ELOVL6: variants seen among roughly 807,000 people sequenced by gnomAD.
ELOVL6 encodes ELOVL fatty acid elongase 6, also known as very long chain fatty acid elongase 6.
In ELOVL6, 8 loss-of-function variants were observed where a neutral mutation model predicts 31.7. The observed-to-expected ratio is 0.25, with a 90% confidence interval of 0.15 to 0.45. The LOEUF is 0.45. ELOVL6 is among the 20% of genes least tolerant of loss of function. The pLI is 1.00. For missense variants in ELOVL6, 126 were observed against 326.4 expected, an observed-to-expected ratio of 0.39 and a Z score of 4.73; for synonymous variants, 101 against 117.7, an observed-to-expected ratio of 0.86 and a Z score of 0.92.
At chr4:110,099,991 AC>A (rs1756693627) in intron 2 of ELOVL6, among the ~76,000 whole-genome samples, 2 of 152,168 alleles carry the variant, frequency 1.3e-5, no homozygotes, top group South Asian at 4.1e-4. Flanking sequence ...GATTCACATA[AC>A]CAGAATTGTT....
At chr4:110,077,371 G>A (rs1755673638) in intron 2 of ELOVL6, among the ~76,000 whole-genome samples, 1 of 152,098 alleles carries the variant, frequency 6.6e-6, no homozygotes, top group South Asian at 2.1e-4. Context: ...CACACAGCCG[G>A]GTGCTCCTCT....
At chr4:110,084,551 C>CAGATAT (rs1163599448) in intron 2 of ELOVL6, among the ~76,000 whole-genome samples, 1 of 64,696 alleles carries the variant, frequency 1.5e-5, no homozygotes, top group Admixed American at 1.7e-4. Context: ...CACACACACA[C>CAGATAT]ACACACACAC....
rs1466225521 is a variant in ELOVL6, at chr4:110,051,591, G to A, written c.545C>T (p.Ala182Val). The A allele has an allele frequency of 6.2e-7, 1 of 1,614,182 alleles. No homozygotes were observed. Among genetic ancestry groups the A allele is most frequent in the Non-Finnish European group, 8.5e-7 (1 of 1,180,026 alleles). ...GVHAVMYSYY[A>V]LRAAGFRVSR... ...GACTCGGAAACCTGCCGCCCGCAAG[G>A]CATAGTAAGAGTACATCACGGCGTG... Residue 182 changes from alanine (A) to valine (V), a missense_variant, in exon 4 of 4, where the codon GCC (alanine) becomes GTC (valine). By Grantham distance (64) the Ala-to-Val change is moderately conservative. Around this residue, in one of 3 missense-constraint regions of ELOVL6, gnomAD observed 57 missense variants for 110.2 expected, o/e 0.52. Transcript: ENST00000302274. The surrounding 1 kb of genome is among the most constrained non-coding windows in gnomAD (Gnocchi z 4.8).
intron 1 of ELOVL6, among the ~76,000 whole-genome samples, chr4:110,192,851 C>T (rs1759663291): frequency 6.6e-6 from 1 of 152,208 alleles, no homozygotes; most frequent in Admixed American, 6.5e-5. Context: ...TTATGATCCT[C>T]ACACAAGTTT....
intron 1 of ELOVL6, among the ~76,000 whole-genome samples, chr4:110,192,410 T>C (rs528557704): frequency 8.7e-4 from 132 of 152,220 alleles, no homozygotes; most frequent in African/African-American, 3.0e-3. Context: ...ATGTCTGCAT[T>C]TGAAAAGTTT....
chr4:110,175,244 G>C (rs992671490), intron 1 of ELOVL6, among the ~76,000 whole-genome samples: 1 of 151,992 alleles, frequency 6.6e-6, no homozygotes, highest in Non-Finnish European at 1.5e-5. Flanking sequence ...TTAGCCACGC[G>C]TGGTGGTGCA....
intron 1 of ELOVL6, among the ~76,000 whole-genome samples, chr4:110,195,804 T>C (rs991990152): frequency 7.2e-5 from 11 of 151,890 alleles, no homozygotes; most frequent in African/African-American, 2.7e-4. Context: ...TTCTCAAGAA[T>C]GTGCCTTATG....
chr4:110,161,912 G>A (rs1182075702), intron 1 of ELOVL6, among the ~76,000 whole-genome samples: 1 of 152,144 alleles, frequency 6.6e-6, no homozygotes, highest in Non-Finnish European at 1.5e-5. Context: ...TTCAGTGTTT[G>A]CGGTGACTTT....
intron 1 of ELOVL6, among the ~76,000 whole-genome samples, chr4:110,174,774 C>T (rs1759050077): frequency 6.6e-6 from 1 of 152,142 alleles, no homozygotes. Flanking sequence ...ATGACCTTTA[C>T]CTACATTTTT....
chr4:110,053,798 G>A (rs1414995250), intron 3 of ELOVL6, among the ~76,000 whole-genome samples: 1 of 152,180 alleles, frequency 6.6e-6, no homozygotes, highest in African/African-American at 2.4e-5. Flanking sequence ...AAATATCCAG[G>A]TGTGGTGGTG....
chr4:110,063,830 C>A (rs541290364), intron 2 of ELOVL6, among the ~76,000 whole-genome samples: 126 of 151,404 alleles, frequency 8.3e-4, no homozygotes, highest in African/African-American at 2.8e-3. Context: ...GTAATCCCAG[C>A]ACTTTGGGAT....
At chr4:110,109,911 T>C (rs979931658) in intron 1 of ELOVL6, among the ~76,000 whole-genome samples, 2 of 152,212 alleles carry the variant, frequency 1.3e-5, no homozygotes, top group African/African-American at 4.8e-5. Flanking sequence ...TTATGGCTAC[T>C]GTACACATGT....
At chr4:110,187,566 C>A (rs1300479829) in intron 1 of ELOVL6, among the ~76,000 whole-genome samples, 1 of 151,526 alleles carries the variant, frequency 6.6e-6, no homozygotes. Context: ...CATGGTGGCA[C>A]GCATGTGTAG....
At chr4:110,136,976 T>C (rs1246014030) in intron 1 of ELOVL6, among the ~76,000 whole-genome samples, 1 of 152,182 alleles carries the variant, frequency 6.6e-6, no homozygotes, top group African/African-American at 2.4e-5. Flanking sequence ...TCTTTCTTCC[T>C]TGTTGGTTAG....
At chr4:110,161,295 T>A (rs373190676) in intron 1 of ELOVL6, among the ~76,000 whole-genome samples, 1 of 152,194 alleles carries the variant, frequency 6.6e-6, no homozygotes, top group East Asian at 1.9e-4. Context: ...ATGCTATGTA[T>A]TATATACTAG....
chr4:110,106,999 C>G (rs374756600), intron 1 of ELOVL6, among the ~76,000 whole-genome samples: 1 of 152,124 alleles, frequency 6.6e-6, no homozygotes, highest in African/African-American at 2.4e-5. Context: ...TGGGTCTTCC[C>G]TATTCAATTA....
chr4:110,069,818 A>G (rs746727181), intron 2 of ELOVL6, among the ~76,000 whole-genome samples: 5 of 152,182 alleles, frequency 3.3e-5, no homozygotes, highest in Non-Finnish European at 7.3e-5. Flanking sequence ...GAGTCATCTC[A>G]TAACAACTGG....
chr4:110,096,960 T>C (rs1360793680), intron 2 of ELOVL6, among the ~76,000 whole-genome samples: 1 of 152,034 alleles, frequency 6.6e-6, no homozygotes, highest in Non-Finnish European at 1.5e-5. Context: ...ACAGGATAAC[T>C]GAACAGGGGT....
chr4:110,195,628 C>G (rs1759750616), intron 1 of ELOVL6, among the ~76,000 whole-genome samples: 1 of 151,956 alleles, frequency 6.6e-6, no homozygotes, highest in African/African-American at 2.4e-5. Context: ...CTGCAATAAG[C>G]AATCTAAGAA....
Sources: allele counts gnomAD v4.1 joint callset (sites outside exome capture counted in the v4.1 genomes callset), GRCh38; gene constraint gnomAD v4.1.1; regional missense constraint gnomAD v4.1.1; non-coding constraint Gnocchi (gnomAD v3.1); transcripts MANE v1.5; gene names NCBI Gene and HGNC (gene_info 2026-07-23, HGNC 2026-07-21).